COL25A1: variants seen among roughly 807,000 people sequenced by gnomAD.
COL25A1 encodes collagen alpha-1(XXV) chain.
In COL25A1, 103 loss-of-function variants were observed where a neutral mutation model predicts 128.4. The observed-to-expected ratio is 0.80, with a 90% confidence interval of 0.68 to 0.94. The LOEUF (loss-of-function observed/expected upper bound fraction) is 0.94, where lower values mean the gene tolerates loss of function less well. Ranked by LOEUF, COL25A1 falls within the 40% of genes least tolerant of loss-of-function variation. The pLI is 0.00. For missense variants in COL25A1, 745 were observed against 840.0 expected, an observed-to-expected ratio of 0.89 and a Z score of 1.40; for synonymous variants, 279 against 277.2, an observed-to-expected ratio of 1.01 and a Z score of -0.06.
intron 19 of COL25A1, among the ~76,000 whole-genome samples, chr4:108,875,109 C>T (rs548934958): frequency 2.0e-4 from 30 of 152,206 alleles, no homozygotes; most frequent in Non-Finnish European, 3.8e-4. Flanking sequence ...AGAGACAGAT[C>T]TGAGATCACT....
At chr4:109,215,945 C>G (rs1342818629) in intron 3 of COL25A1, among the ~76,000 whole-genome samples, 1 of 152,080 alleles carries the variant, frequency 6.6e-6, no homozygotes, top group South Asian at 2.1e-4. Context: ...TGTGAGTCAG[C>G]ACATTGGGTT....
At chr4:109,068,362 T>A (rs960480526) in intron 3 of COL25A1, among the ~76,000 whole-genome samples, 2 of 151,532 alleles carry the variant, frequency 1.3e-5, no homozygotes, top group Admixed American at 1.3e-4. Flanking sequence ...AGATTTACCA[T>A]TTTTGACAGC....
At chr4:109,082,304 T>C (rs1418953574) in intron 3 of COL25A1, among the ~76,000 whole-genome samples, 1 of 152,254 alleles carries the variant, frequency 6.6e-6, no homozygotes, top group Non-Finnish European at 1.5e-5. Flanking sequence ...TATGTTTTCA[T>C]TTCTCTTAGG....
chr4:109,114,744 T>C (rs192326169), intron 3 of COL25A1, among the ~76,000 whole-genome samples: 39 of 152,180 alleles, frequency 2.6e-4, no homozygotes, highest in African/African-American at 9.1e-4. Flanking sequence ...CTTTCCTTTA[T>C]GAAAGGCATG....
intron 6 of COL25A1, among the ~76,000 whole-genome samples, chr4:108,978,172 A>G (rs1198344387): frequency 6.6e-6 from 1 of 152,236 alleles, no homozygotes; most frequent in Non-Finnish European, 1.5e-5. Context: ...GCCTCAAAAG[A>G]TGGTGTTTCT....
chr4:109,090,470 T>G, intron 3 of COL25A1, among the ~76,000 whole-genome samples: 1 of 152,304 alleles, frequency 6.6e-6, no homozygotes, highest in East Asian at 1.9e-4. Context: ...CAAGAGGCTG[T>G]TAGGAAACTA....
chr4:109,203,299 A>G (rs1776716182), intron 3 of COL25A1, among the ~76,000 whole-genome samples: 1 of 152,212 alleles, frequency 6.6e-6, no homozygotes, highest in Non-Finnish European at 1.5e-5. Context: ...AATGATTTCC[A>G]AAGTACAATT....
chr4:108,942,165 T>C, intron 8 of COL25A1: 2 of 1,537,276 alleles, frequency 1.3e-6, no homozygotes, highest in Non-Finnish European at 1.8e-6. Context: ...ACGCTTATGC[T>C]GATTGCATTT....
chr4:108,935,527 A>C (rs7700178), intron 11 of COL25A1, among the ~76,000 whole-genome samples: 15,920 of 152,222 alleles, frequency 0.1, 939 homozygotes, highest in Non-Finnish European at 0.14. Context: ...CTTAATATAT[A>C]TATCCTTGAA....
intron 3 of COL25A1, among the ~76,000 whole-genome samples, chr4:109,118,867 G>T (rs929184908): frequency 1.6e-4 from 25 of 151,930 alleles, no homozygotes; most frequent in Non-Finnish European, 5.9e-5. Context: ...TCAACTGGGG[G>T]TATAAGTGAC....
chr4:108,992,519 T>G lies in COL25A1; in HGVS notation c.438+17839A>C, dbSNP rs576168491. Among the ~76,000 whole-genome samples, 41 of 152,328 alleles carry G rather than the reference T, an allele frequency of 2.7e-4. No individual in the cohort carries two copies. In the Middle Eastern group the frequency reaches 0.01, roughly 38 times the overall value. Reference sequence around the variant, plus strand: ...GGTTATACACAACCACCATGAACTATTTTCTATGATAGTCCCAAGAAAGCC... The same window carrying G: ...GGTTATACACAACCACCATGAACTAGTTTCTATGATAGTCCCAAGAAAGCC... On this transcript the variant is annotated intron_variant, in intron 6 of 37. Coordinates refer to ENST00000399132, the MANE Select transcript of COL25A1 (RefSeq NM_198721.4).
Position 109,067,251 on chromosome 4 carries a change from A to G in COL25A1, c.368-17072T>C, listed in dbSNP as rs139722465. Reference sequence around the variant, plus strand: ...GAGAACATCCTATGGATATAAAAATATCAACATTAAGAAAAAACCCTTTCA... The same window carrying G: ...GAGAACATCCTATGGATATAAAAATGTCAACATTAAGAAAAAACCCTTTCA... On this transcript the variant is annotated intron_variant, in intron 3 of 37. Coordinates refer to ENST00000399132, the MANE Select transcript of COL25A1 (RefSeq NM_198721.4). 2.7e-3 allele frequency among the ~76,000 whole-genome samples: 409 copies of G among 152,330 alleles called. 2 individuals carry two copies. The highest frequency in any genetic ancestry group is 9.0e-3 in the African/African-American group (373 of 41,590).
intron 6 of COL25A1, among the ~76,000 whole-genome samples, chr4:108,985,681 T>C (rs970299129): frequency 7.2e-5 from 11 of 152,016 alleles, no homozygotes; most frequent in African/African-American, 2.7e-4. Context: ...TAAACTGGAG[T>C]TTTGGGAAGA....
Position 108,819,318 on chromosome 4 carries a change from G to A in COL25A1, c.1857C>T (p.Gly619=), listed in dbSNP as rs745467559. ...CTGGCTCCCCTTTTTCCCCCTTAAC[G>A]CCACGGAATCCCTGTTTGTAAAGAT... is the stretch of plus-strand genomic sequence containing the variant. ...LGEKGEKGFR[G]VKGEKGEPGQ... The change falls in exon 36 of 38, where the codon GGC becomes GGT. Residue 619 remains glycine (G), a synonymous_variant. Coordinates refer to ENST00000399132, the MANE Select transcript of COL25A1 (RefSeq NM_198721.4). 5 of 1,612,100 alleles carry A rather than the reference G, an allele frequency of 3.1e-6. No individual in the cohort carries two copies. Among genetic ancestry groups the A allele is most frequent in the Admixed American group, 3.4e-5 (2 of 59,598 alleles).
intron 3 of COL25A1, among the ~76,000 whole-genome samples, chr4:109,097,811 G>T (rs548671355): frequency 6.6e-6 from 1 of 151,278 alleles, no homozygotes; most frequent in African/African-American, 2.4e-5. Context: ...CCACAGGTGC[G>T]CACCACCACG....
intron 31 of COL25A1, among the ~76,000 whole-genome samples, chr4:108,835,760 C>A (rs1039445998): frequency 3.3e-5 from 5 of 150,090 alleles, no homozygotes; most frequent in Non-Finnish European, 7.4e-5. Flanking sequence ...ATCATGTTGG[C>A]CAGGCTGTTC....
At chr4:109,268,414 T>C (rs1781937471) in intron 3 of COL25A1, among the ~76,000 whole-genome samples, 1 of 152,150 alleles carries the variant, frequency 6.6e-6, no homozygotes, top group Non-Finnish European at 1.5e-5. Context: ...GGAACACAGC[T>C]ACTTGCATGC....
intron 5 of COL25A1, among the ~76,000 whole-genome samples, chr4:109,046,933 T>C (rs971446104): frequency 6.6e-6 from 1 of 152,094 alleles, no homozygotes; most frequent in Non-Finnish European, 1.5e-5. Context: ...GATACAGATA[T>C]CCAGGATATT....
chr4:108,841,976 T>C (rs1734511782), intron 30 of COL25A1, among the ~76,000 whole-genome samples: 1 of 152,124 alleles, frequency 6.6e-6, no homozygotes, highest in Admixed American at 6.5e-5. Context: ...TCTGCCAGGG[T>C]TACATGGAAG....
Sources: gnomAD v4.1 joint callset for allele counts (sites outside exome capture counted in the v4.1 genomes callset) on GRCh38, gnomAD v4.1.1 for gene constraint, MANE v1.5 for transcripts, NCBI Gene and HGNC (gene_info 2026-07-23, HGNC 2026-07-21) for gene names.